CCDC144A: variants seen among roughly 807,000 people sequenced by gnomAD.
The protein encoded by CCDC144A is coiled-coil domain containing 144A.
CCDC144A carries 41 observed loss-of-function variants against 143.8 expected under a neutral mutation model. That is an observed-to-expected ratio of 0.29 (90% CI 0.22 to 0.37). CCDC144A has a LOEUF of 0.37. Ranked by LOEUF, CCDC144A falls within the 10% of genes least tolerant of loss-of-function variation. CCDC144A has a pLI of 1.00. For synonymous variants in CCDC144A, 242 were observed against 517.9 expected (o/e 0.47, Z 7.23); for missense variants, 637 against 1,488.8 (o/e 0.43, Z 9.41).
intron 8 of CCDC144A, among the ~76,000 whole-genome samples, chr17:16,726,615 T>G (rs898660463): frequency 6.6e-5 from 10 of 152,004 alleles, no homozygotes; most frequent in Admixed American, 1.3e-4. Flanking sequence ...GAATGGACAC[T>G]CTTTTTGGCA....
At chr17:16,679,993 A>C in the CCDC144A span, among the ~76,000 whole-genome samples, 1 of 152,124 alleles carries the variant, frequency 6.6e-6, no homozygotes, top group Non-Finnish European at 1.5e-5. Context: ...ATTTTTTTTA[A>C]ACTTTAGAAG....
At chr17:16,773,328 C>A (rs372228689) in intron 16 of CCDC144A, among the ~76,000 whole-genome samples, 169 bp from the exon 17 acceptor site, 1 of 152,084 alleles carries the variant, frequency 6.6e-6, no homozygotes, top group African/African-American at 2.4e-5. Flanking sequence ...CTCATGCCTG[C>A]AGTTCCAAGT....
intron 12 of CCDC144A, among the ~76,000 whole-genome samples, chr17:16,757,360 G>GC (rs1373809657): frequency 6.6e-6 from 1 of 152,260 alleles, no homozygotes; most frequent in Admixed American, 6.5e-5. Flanking sequence ...GAAGACACGT[G>GC]CAGGAGCCTT....
chr17:16,724,401 G>A (rs1913268118), intron 8 of CCDC144A, among the ~76,000 whole-genome samples: 1 of 151,894 alleles, frequency 6.6e-6, no homozygotes, highest in Non-Finnish European at 1.5e-5. Flanking sequence ...GCAGGGCGTG[G>A]TGGCAGGCTG....
chr17:16,696,171 T>C (rs1911390242), intron 2 of CCDC144A, among the ~76,000 whole-genome samples: 2 of 152,050 alleles, frequency 1.3e-5, no homozygotes, highest in East Asian at 1.9e-4. Context: ...CGAGCCACCA[T>C]GCCCAGCTGA....
chr17:16,712,635 G>A (rs1390713149), intron 6 of CCDC144A, among the ~76,000 whole-genome samples: 1 of 151,966 alleles, frequency 6.6e-6, no homozygotes, highest in South Asian at 2.1e-4. Flanking sequence ...ATTTATATAT[G>A]TTGCATATAT....
At chr17:16,695,121 T>G (rs1731911425) in intron 2 of CCDC144A, among the ~76,000 whole-genome samples, 1 of 152,236 alleles carries the variant, frequency 6.6e-6, no homozygotes, top group South Asian at 2.1e-4. Context: ...AGACATAGTT[T>G]TGGTCTTTGA....
intron 12 of CCDC144A, among the ~76,000 whole-genome samples, chr17:16,753,428 GTTTTTTTTTTTTTT>G: frequency 5.2e-4 from 30 of 57,356 alleles, no homozygotes; most frequent in African/African-American, 1.6e-3. Flanking sequence ...GTGTTTTGTA[GTTTTTTTTTTTTTT>G]TTTTTTTTTT....
At chr17:16,733,019 C>T (rs1484555873) in intron 11 of CCDC144A, among the ~76,000 whole-genome samples, 8 of 151,754 alleles carry the variant, frequency 5.3e-5, no homozygotes, top group Non-Finnish European at 8.8e-5. Context: ...ATTTCATCTT[C>T]CTAATATATT....
At chr17:16,703,513 A>G (rs957473739) in intron 2 of CCDC144A, among the ~76,000 whole-genome samples, 27 of 152,202 alleles carry the variant, frequency 1.8e-4, no homozygotes, top group African/African-American at 6.5e-4. Context: ...TATTTTAAAA[A>G]CAAGCATGCG....
chr17:16,686,100 T>G (rs974442783), upstream of CCDC144A, among the ~76,000 whole-genome samples: 62 of 148,414 alleles, frequency 4.2e-4, no homozygotes, highest in East Asian at 1.2e-3. Flanking sequence ...TGTTTTTTTT[T>G]TTTTTTTTTT....
At chr17:16,682,883 G>GTTTTTTT in the CCDC144A span, among the ~76,000 whole-genome samples, 30 of 46,454 alleles carry the variant, frequency 6.5e-4, 10 homozygotes, top group East Asian at 3.6e-3. Flanking sequence ...TGGATTCTCT[G>GTTTTTTT]TTTTTTTTTT....
intron 15 of CCDC144A, among the ~76,000 whole-genome samples, chr17:16,768,545 T>C (rs1382600023): frequency 3.9e-5 from 6 of 152,240 alleles, no homozygotes; most frequent in Non-Finnish European, 4.4e-5. Flanking sequence ...CTTAACACCA[T>C]TGTAGTGATA....
chr17:16,768,047 C>A (rs994915210), intron 15 of CCDC144A, among the ~76,000 whole-genome samples: 6 of 152,372 alleles, frequency 3.9e-5, no homozygotes, highest in African/African-American at 1.4e-4. Flanking sequence ...AGCTTATATA[C>A]CTTCTAAGCT....
the CCDC144A span, among the ~76,000 whole-genome samples, chr17:16,668,752 T>C: frequency 6.6e-6 from 1 of 152,206 alleles, no homozygotes; most frequent in Non-Finnish European, 1.5e-5. Context: ...AACTGGGTGC[T>C]TTCAACAAGA....
upstream of CCDC144A, among the ~76,000 whole-genome samples, chr17:16,688,049 T>C (rs1451806181): frequency 5.3e-5 from 8 of 151,880 alleles, no homozygotes; most frequent in Non-Finnish European, 1.2e-4. Context: ...AAGTGTATGA[T>C]AAATGACTGT....
rs773318647 is a variant in CCDC144A at position 16,732,525 on chromosome 17, A to G, written c.2290-13A>G. The G allele has an allele frequency of 6.2e-7, 1 of 1,604,006 alleles. No homozygotes were observed. Among genetic ancestry groups the G allele is most frequent in the Non-Finnish European group, 8.5e-7 (1 of 1,176,496 alleles). On this transcript the variant is annotated splice_polypyrimidine_tract_variant and intron_variant, in intron 10 of 16. Transcript: ENST00000399273. The stretch of plus-strand genomic sequence containing the variant: ...TCAGTGCTATTAGACCAAAACCTCC[A>G]TGTTATCTCTAGGTTGTGCAGGAGA...
chr17:16,722,745 T>C (rs1317928066), intron 8 of CCDC144A, among the ~76,000 whole-genome samples: 1 of 152,212 alleles, frequency 6.6e-6, no homozygotes, highest in African/African-American at 2.4e-5. Flanking sequence ...GTTTTGCCTT[T>C]TCCAAAATGT....
the CCDC144A span, among the ~76,000 whole-genome samples, chr17:16,669,845 A>AT: frequency 1.3e-5 from 2 of 152,160 alleles, no homozygotes; most frequent in African/African-American, 4.8e-5. Flanking sequence ...GTTATCACTC[A>AT]TTTTTTACCC....
Sources: gnomAD v4.1 joint callset for allele counts (sites outside exome capture counted in the v4.1 genomes callset) on GRCh38, gnomAD v4.1.1 for gene constraint, MANE v1.5 for transcripts, NCBI Gene and HGNC (gene_info 2026-07-23, HGNC 2026-07-21) for gene names.